PLA2G4B: variants seen among roughly 807,000 people sequenced by gnomAD.
PLA2G4B encodes cytosolic phospholipase A2 beta.
Under a neutral mutation model 95.8 loss-of-function variants are expected in PLA2G4B, and 122 were observed. The ratio of observed to expected loss-of-function variants is 1.27; its 90% CI spans 1.10 to 1.48. The LOEUF (loss-of-function observed/expected upper bound fraction) is 1.48, where lower values mean the gene tolerates loss of function less well. PLA2G4B is among the 40% of genes most tolerant of loss of function. The pLI, the probability that PLA2G4B is intolerant of heterozygous loss-of-function variation, is 0.00. For synonymous variants in PLA2G4B, 518 were observed against 421.5 expected, an observed-to-expected ratio of 1.23 and a Z score of -2.80; for missense variants, 1,158 against 996.2, an observed-to-expected ratio of 1.16 and a Z score of -2.19.
rs773067563 is a variant in PLA2G4B at position 41,847,425 on chromosome 15, G to C, written c.2036G>C (p.Arg679Pro). 3 of 1,613,246 alleles carry C rather than the reference G, an allele frequency of 1.9e-6. No homozygotes were observed. The highest frequency in any genetic ancestry group is 1.7e-5 in the Admixed American group (1 of 59,992). ...SPSPEEQLQP[R>P]ECHTFSDPTC... ...AGCCCCGAAGAGCAGCTCCAGCCTC[G>C]GGAGTGCCACACCTTCTCCGACCCC... is the stretch of plus-strand genomic sequence containing the variant. The change falls in exon 19 of 20, where the codon CGG (arginine) becomes CCG (proline). Residue 679 changes from arginine (R) to proline (P), a missense_variant. Coordinates refer to ENST00000458483, the MANE Select transcript of PLA2G4B (RefSeq NM_001114633.2).
intron 18 of PLA2G4B, among the ~76,000 whole-genome samples, 172 bp from the exon 19 acceptor site, chr15:41,847,165 G>A (rs2065574486): frequency 6.8e-6 from 1 of 146,782 alleles, no homozygotes; most frequent in Non-Finnish European, 1.5e-5. Flanking sequence ...CAGAGGAGCT[G>A]CCACCGAGGC....
Position 41,841,868 on chromosome 15 carries a change from G to A in PLA2G4B, c.540G>A (p.Pro180=), listed in dbSNP as rs199873908. 11 of 1,613,200 alleles carry A rather than the reference G, an allele frequency of 6.8e-6. No homozygotes were observed. Among genetic ancestry groups the A allele is most frequent in the African/African-American group, 1.3e-5 (1 of 74,892 alleles). The change falls in exon 8 of 20, where the codon CCG becomes CCA. Residue 180 remains proline, a synonymous_variant. Transcript: ENST00000458483. The stretch of plus-strand genomic sequence containing the variant: ...TGGTTCCTGGGTCCTGTGAGGGTCC[G>A]CAGGAGGCCTCTGTGGGCACTGGCA... The part of the protein sequence containing the change: ...QLVVPGSCEG[P]QEASVGTGTF...
intron 17 of PLA2G4B, 47 bp from the exon 18 acceptor site, chr15:41,846,622 G>C: frequency 6.4e-7 from 1 of 1,559,638 alleles, no homozygotes. Context: ...GCAGGAATCT[G>C]GTACCCTTGG....
chr15:41,847,933 A>ACGC lies in PLA2G4B; in HGVS notation c.*74_*76dup. 1 of 1,532,650 alleles carries ACGC rather than the reference A, an allele frequency of 6.5e-7. No individual in the cohort carries two copies. 94.9% of individuals were successfully genotyped at this position (1,532,650 alleles called of 1,614,324 possible). Reference sequence around the variant, plus strand: ...TGAGTTGCAGGTGGGAACTGTCATCACGCAGTGCTTCAGAGCCTCGGGCTC... The same window carrying ACGC: ...TGAGTTGCAGGTGGGAACTGTCATCACGCCGCAGTGCTTCAGAGCCTCGGGCTC... On this transcript the variant is annotated 3_prime_UTR_variant, in exon 20 of 20. Coordinates refer to ENST00000458483, the MANE Select transcript of PLA2G4B (RefSeq NM_001114633.2).
intron 18 of PLA2G4B, 45 bp from the exon 19 acceptor site, chr15:41,847,292 G>A (rs1354415248): frequency 6.5e-7 from 1 of 1,549,318 alleles, no homozygotes; most frequent in East Asian, 2.3e-5. Flanking sequence ...TGTTGAGGAT[G>A]CCAGGGGCCC....
At position 41,847,701 on chromosome 15, in the gene PLA2G4B, A is replaced by T; in HGVS notation, c.2187A>T (p.Ser729=). 1.9e-6 allele frequency: 3 copies of T among 1,613,646 alleles called. No homozygotes were observed. The highest frequency in any genetic ancestry group is 2.5e-6 in the Non-Finnish European group (3 of 1,180,036). ...EAAAGEVNLS[S]SDSPYHYTKV... is the part of the protein sequence containing the mutation. Reference sequence around the variant, plus strand: ...CAGCTGGGGAGGTGAACCTGTCTTCATCGGACTCTCCCTACCACTACACGA... The same window carrying T: ...CAGCTGGGGAGGTGAACCTGTCTTCTTCGGACTCTCCCTACCACTACACGA... Residue 729 remains serine (S), a synonymous_variant, in exon 20 of 20, where the codon TCA becomes TCT. Transcript: ENST00000458483.
At position 41,847,629 on chromosome 15, in the gene PLA2G4B, A is replaced by G. The variant is rs2065592080; in HGVS notation, c.2135-20A>G. 10 of 1,613,342 alleles carry G rather than the reference A, an allele frequency of 6.2e-6. No individual in the cohort carries two copies. Among genetic ancestry groups the G allele is most frequent in the East Asian group, 2.2e-5 (1 of 44,886 alleles). On this transcript the variant is annotated intron_variant, in intron 19 of 19. Coordinates refer to ENST00000458483, the MANE Select transcript of PLA2G4B (RefSeq NM_001114633.2). ...TTCCCCACAACGTGTTCCCCATGCC[A>G]GGCTGCACTCTCTCCACAGGGGTCC...
chr15:41,840,679 C>G lies in PLA2G4B; in HGVS notation c.219+19C>G. 1 of 1,610,498 alleles carries G rather than the reference C, an allele frequency of 6.2e-7. No homozygotes were observed. Among genetic ancestry groups the G allele is most frequent in the East Asian group, 2.2e-5 (1 of 44,846 alleles). ...GCTCAAGGTGGGCCAGGCATCAGCG[C>G]TGACTCTACCCACATCCTCGCCAGC... On this transcript the variant is annotated intron_variant, in intron 3 of 19. Transcript: ENST00000458483.
At chr15:41,841,030 A>G in intron 4 of PLA2G4B, 25 bp from the exon 5 acceptor site, 2 of 1,569,558 alleles carry the variant, frequency 1.3e-6, no homozygotes, top group East Asian at 2.3e-5. Flanking sequence ...GACCCTTTCT[A>G]ACTTACTTCT....
chr15:41,842,597 A>G lies in PLA2G4B; in HGVS notation c.743+6A>G. 1 of 1,608,554 alleles carries G rather than the reference A, an allele frequency of 6.2e-7. No homozygotes were observed. Reference sequence around the variant, plus strand: ...GAGCTGAAAAAAGAAGCAGGGTGAGAGGCCTGGCTGGGGACTGGGCAAGGC... The same window carrying G: ...GAGCTGAAAAAAGAAGCAGGGTGAGGGGCCTGGCTGGGGACTGGGCAAGGC... On this transcript the variant is annotated splice_donor_region_variant and intron_variant, in intron 10 of 19. Coordinates refer to ENST00000458483, the MANE Select transcript of PLA2G4B (RefSeq NM_001114633.2).
chr15:41,840,333 G>A, intron 2 of PLA2G4B, 103 bp downstream of exon 2: 2 of 1,577,172 alleles, frequency 1.3e-6, no homozygotes, highest in South Asian at 1.1e-5. Flanking sequence ...GTGGGCCGGT[G>A]GGCAGGGCCT....
chr15:41,843,560 ATTGAGGG>A (rs1461447976), intron 10 of PLA2G4B, 109 bp from the exon 11 acceptor site: 1 of 1,506,274 alleles, frequency 6.6e-7, no homozygotes, highest in Non-Finnish European at 8.9e-7. Context: ...CGGGAGTGGC[ATTGAGGG>A]TTGGGGAGAA....
chr15:41,846,530 G>T, intron 17 of PLA2G4B, 139 bp from the exon 18 acceptor site: 1 of 1,504,032 alleles, frequency 6.6e-7, no homozygotes, highest in Non-Finnish European at 8.9e-7. Flanking sequence ...CTTGTCTTGG[G>T]GACCCAGGGC....
Position 41,845,213 on chromosome 15 carries a change from A to G in PLA2G4B, c.1250A>G (p.His417Arg). 3.7e-6 allele frequency: 6 copies of G among 1,614,146 alleles called. No homozygotes were observed. The African/African-American group carries it at 5.3e-5, about 14-fold the overall frequency. ...EALLHDEPHD[H>R]KLSDQREALS... is the part of the protein sequence containing the mutation. ...CGCATCTTTCCCCAGCCCCATGATC[A>G]CAAGCTCTCAGATCAACGGGAGGCC... The change falls in exon 14 of 20, where the codon CAC becomes CGC. Residue 417 changes from histidine (H) to arginine (R), a missense_variant. Coordinates refer to ENST00000458483, the MANE Select transcript of PLA2G4B (RefSeq NM_001114633.2).
rs775640207 is a variant in PLA2G4B, at chr15:41,840,576, C to T, written c.135C>T (p.His45=). 9.8e-5 allele frequency: 158 copies of T among 1,613,882 alleles called. No homozygotes were observed. Among genetic ancestry groups the T allele is most frequent in the South Asian group, 1.1e-5 (1 of 91,094 alleles). ...VTLWLPTACS[H]RLQTRTVKNS... ...TCTGGCTGCCCACGGCCTGCAGCCA[C>T]AGGCTCCAGACACGCACGGTCAAGA... Residue 45 remains histidine, a synonymous_variant, in exon 3 of 20, where the codon CAC becomes CAT. Coordinates refer to ENST00000458483, the MANE Select transcript of PLA2G4B (RefSeq NM_001114633.2).
chr15:41,843,507 A>G (rs1206493874), intron 10 of PLA2G4B, among the ~76,000 whole-genome samples, 169 bp from the exon 11 acceptor site: 3 of 152,212 alleles, frequency 2.0e-5, no homozygotes, highest in South Asian at 2.1e-4. Context: ...GCATGTCCAC[A>G]TGGACACACT....
chr15:41,845,344 C>G (rs1364957828), intron 14 of PLA2G4B, 24 bp downstream of exon 14: 2 of 1,609,812 alleles, frequency 1.2e-6, no homozygotes, highest in Admixed American at 1.7e-5. Flanking sequence ...GAGCTGAGAC[C>G]TGTGCCCTTG....
At chr15:41,842,995 G>C (rs1008974649) in intron 10 of PLA2G4B, 1 of 191,114 alleles carries the variant, frequency 5.2e-6, no homozygotes, top group Non-Finnish European at 1.1e-5. Flanking sequence ...TAGAGTTGTC[G>C]CCCACCCTGG....
rs775002558 is a variant in PLA2G4B at position 41,840,530 on chromosome 15, C to T, written c.89C>T (p.Pro30Leu). 1 of 1,613,666 alleles carries T rather than the reference C, an allele frequency of 6.2e-7. No individual in the cohort carries two copies. Among genetic ancestry groups the T allele is most frequent in the Admixed American group, 1.7e-5 (1 of 60,000 alleles). The part of the protein sequence containing the change: ...HRLPSKDLVT[P>L]SDCYVTLWLP... Reference sequence around the variant, plus strand: ...CACTTGTTCCTTCCCGCAGTGACCCCCTCTGACTGCTACGTGACTCTCTGG... The same window carrying T: ...CACTTGTTCCTTCCCGCAGTGACCCTCTCTGACTGCTACGTGACTCTCTGG... The change falls in exon 3 of 20, where the codon CCC becomes CTC. Residue 30 changes from proline to leucine, a missense_variant. Coordinates refer to ENST00000458483, the MANE Select transcript of PLA2G4B (RefSeq NM_001114633.2).
Sources: allele counts gnomAD v4.1 joint callset (sites outside exome capture counted in the v4.1 genomes callset), GRCh38; gene constraint gnomAD v4.1.1; transcripts MANE v1.5; gene names NCBI Gene and HGNC (gene_info 2026-07-23, HGNC 2026-07-21).